The following ANKH variants were observed in gnomAD, a reference collection of about 807,000 sequenced individuals.
ANKH encodes ANKH inorganic pyrophosphate transport regulator.
In ANKH, 15 loss-of-function variants were observed where a neutral mutation model predicts 49.0. The ratio of observed to expected loss-of-function variants is 0.31; its 90% CI spans 0.20 to 0.47. ANKH has a LOEUF of 0.47. Ranked by LOEUF, ANKH falls within the 20% of genes least tolerant of loss-of-function variation. ANKH has a pLI of 1.00. For synonymous variants in ANKH, 273 were observed against 260.0 expected, an observed-to-expected ratio of 1.05 and a Z score of -0.48; for missense variants, 429 against 652.0, an observed-to-expected ratio of 0.66 and a Z score of 3.72.
intron 8 of ANKH, among the ~76,000 whole-genome samples, chr5:14,732,738 T>G (rs1669046473): frequency 6.6e-6 from 1 of 152,168 alleles, no homozygotes; most frequent in Non-Finnish European, 1.5e-5. Context: ...CTGGGGAAAC[T>G]GAAGATGGCA....
At chr5:14,768,946 G>T in intron 2 of ANKH, 29 bp downstream of exon 2, 1 of 1,606,988 alleles carries the variant, frequency 6.2e-7, no homozygotes, top group Non-Finnish European at 8.5e-7. Context: ...GCCAAAGCTA[G>T]ATTCGTCAGT....
At position 14,829,141 on chromosome 5, in the gene ANKH, C is replaced by T. The variant is rs568237208; in HGVS notation, c.96+42211G>A. The stretch of plus-strand genomic sequence containing the variant: ...AGAGCTTGCAGTGAGCCCAAGACTG[C>T]GCCTTTGCACTCCAGCCTGGGCGAC... On this transcript the variant is annotated intron_variant, in intron 1 of 11. Coordinates refer to ENST00000284268, the MANE Select transcript of ANKH (RefSeq NM_054027.6). 2.7e-5 allele frequency among the ~76,000 whole-genome samples: 4 copies of T among 146,048 alleles called. No individual in the cohort carries two copies. The South Asian group carries it at 6.5e-4, about 24-fold the overall frequency.
chr5:14,712,518 A>T (rs7341009), intron 11 of ANKH, among the ~76,000 whole-genome samples: 2,985 of 152,264 alleles, frequency 0.02, 105 homozygotes, highest in African/African-American at 0.068. Flanking sequence ...CATTGGTATC[A>T]CTGTCCCCTC....
At chr5:14,711,508 G>T (rs544390259) in intron 11 of ANKH, among the ~76,000 whole-genome samples, 198 bp from the exon 12 acceptor site, 5 of 152,164 alleles carry the variant, frequency 3.3e-5, no homozygotes, top group Non-Finnish European at 7.3e-5. Context: ...TGTGCCTGCT[G>T]TGTGCCTGGC....
chr5:14,783,405 G>A (rs1207868986), intron 1 of ANKH, among the ~76,000 whole-genome samples: 1 of 152,024 alleles, frequency 6.6e-6, no homozygotes, highest in Non-Finnish European at 1.5e-5. Context: ...GCTGTCTTCA[G>A]CATTTGCTTT....
chr5:14,768,695 T>G (rs1739327715), intron 2 of ANKH: 1 of 521,070 alleles, frequency 1.9e-6, no homozygotes, highest in Admixed American at 3.2e-5. Flanking sequence ...GCTATTTTAT[T>G]GGCCTTACCA....
At chr5:14,840,345 T>C (rs1741782621) in intron 1 of ANKH, among the ~76,000 whole-genome samples, 1 of 152,220 alleles carries the variant, frequency 6.6e-6, no homozygotes, top group South Asian at 2.1e-4. Flanking sequence ...AGGGTAGAAG[T>C]GTCCACCATT....
At chr5:14,717,563 G>GT (rs1737517583) in intron 8 of ANKH, among the ~76,000 whole-genome samples, 2 of 152,202 alleles carry the variant, frequency 1.3e-5, no homozygotes, top group Admixed American at 1.3e-4. Flanking sequence ...CAGGATGGCT[G>GT]GAAGTCAAGT....
chr5:14,824,055 C>T (rs565989893), intron 1 of ANKH, among the ~76,000 whole-genome samples: 2 of 152,100 alleles, frequency 1.3e-5, no homozygotes, highest in Non-Finnish European at 2.9e-5. Flanking sequence ...GTCTGCAGAG[C>T]CCTCAGATAG....
chr5:14,767,115 A>G (rs1580052312), intron 2 of ANKH, among the ~76,000 whole-genome samples: 1 of 152,170 alleles, frequency 6.6e-6, no homozygotes, highest in South Asian at 2.1e-4. Context: ...GGGGGTGGAG[A>G]GAGAGCAACA....
In ANKH at chr5:14,770,228, C is replaced by G. The variant is rs565047833; in HGVS notation, c.97-1037G>C. ...GCATTCCCATATATCCTTTGCCCCC[C>G]ACAAACACGGAGCCTCCCCTGCTAT... is the stretch of plus-strand genomic sequence containing the variant. On this transcript the variant is annotated intron_variant, in intron 1 of 11. Transcript: ENST00000284268. The surrounding 1 kb of genome is among the most constrained non-coding windows in gnomAD (Gnocchi z 4.1). Among the ~76,000 whole-genome samples the G allele has an allele frequency of 7.2e-5, 11 of 152,242 alleles. No individual in the cohort carries two copies. Among genetic ancestry groups the G allele is most frequent in the East Asian group, 3.9e-4 (2 of 5,174 alleles).
At chr5:14,815,956 C>A (rs1741024024) in intron 1 of ANKH, among the ~76,000 whole-genome samples, 1 of 152,172 alleles carries the variant, frequency 6.6e-6, no homozygotes, top group Non-Finnish European at 1.5e-5. Flanking sequence ...ATTCTGAATT[C>A]CAGCCCCTAT....
At chr5:14,828,214 G>C (rs1007198375) in intron 1 of ANKH, among the ~76,000 whole-genome samples, 2 of 152,210 alleles carry the variant, frequency 1.3e-5, no homozygotes, top group Non-Finnish European at 2.9e-5. Context: ...GCTTCTGGCT[G>C]GGAGTGGTGG....
chr5:14,830,510 AGT>A (rs35379260), intron 1 of ANKH, among the ~76,000 whole-genome samples: 2,831 of 147,150 alleles, frequency 0.019, 79 homozygotes, highest in African/African-American at 0.061. Flanking sequence ...AGGTAGGGGG[AGT>A]GTGTGTGTGT....
At chr5:14,850,743 A>G (rs936427438) in intron 1 of ANKH, among the ~76,000 whole-genome samples, 8 of 152,232 alleles carry the variant, frequency 5.3e-5, no homozygotes, top group African/African-American at 1.9e-4. Flanking sequence ...ATCTGAAACT[A>G]ATGAATGCTT....
intron 1 of ANKH, among the ~76,000 whole-genome samples, chr5:14,788,454 C>T (rs190568439): frequency 6.6e-5 from 10 of 152,334 alleles, no homozygotes; most frequent in Non-Finnish European, 1.5e-4. Context: ...AAACTGTTAA[C>T]TTTTTATGGC....
chr5:14,777,967 A>G (rs1739682673), intron 1 of ANKH, among the ~76,000 whole-genome samples: 1 of 152,136 alleles, frequency 6.6e-6, no homozygotes, highest in Non-Finnish European at 1.5e-5. Flanking sequence ...CATCATGGTT[A>G]TAAGGCCCTG....
intron 1 of ANKH, among the ~76,000 whole-genome samples, chr5:14,836,582 A>G (rs1435859586): frequency 6.6e-6 from 1 of 152,254 alleles, no homozygotes; most frequent in South Asian, 2.1e-4. Flanking sequence ...GACCTCTTCA[A>G]GGAGGACTAC....
intron 1 of ANKH, among the ~76,000 whole-genome samples, chr5:14,833,570 G>A (rs571879966): frequency 2.9e-4 from 44 of 152,166 alleles, no homozygotes; most frequent in Middle Eastern, 3.2e-3. Context: ...CAAGAGAAAA[G>A]GATGAGGACT....
Sources: gnomAD v4.1 joint callset for allele counts (sites outside exome capture counted in the v4.1 genomes callset) on GRCh38, gnomAD v4.1.1 for gene constraint, Gnocchi (gnomAD v3.1) non-coding constraint, MANE v1.5 for transcripts, NCBI Gene and HGNC (gene_info 2026-07-23, HGNC 2026-07-21) for gene names.